PCDHGA2: variants seen among roughly 807,000 people sequenced by gnomAD.
PCDHGA2 encodes protocadherin gamma-A2.
Under a neutral mutation model 59.2 loss-of-function variants are expected in PCDHGA2, and 40 were observed. The observed-to-expected ratio is 0.68, with a 90% confidence interval of 0.52 to 0.88. The LOEUF is 0.88. PCDHGA2 is among the 40% of genes least tolerant of loss of function. The probability of loss-of-function intolerance (pLI) is 0.00; values close to 1 mark genes in which losing one functional copy is unlikely to be tolerated. For synonymous variants in PCDHGA2, 560 were observed against 526.0 expected, an observed-to-expected ratio of 1.06 and a Z score of -0.89; for missense variants, 1,226 against 1,204.0, an observed-to-expected ratio of 1.02 and a Z score of -0.27.
chr5:141,347,137 C>CTCTCTCTCTCTTTCTTTCTTTCTT (rs375338309), intron 1 of PCDHGA2, among the ~76,000 whole-genome samples: 1 of 113,744 alleles, frequency 8.8e-6, no homozygotes, highest in African/African-American at 3.8e-5. Flanking sequence ...CTCTGTTTCT[C>CTCTCTCTCTCTTTCTTTCTTTCTT]TCTTTCTTTC....
At position 141,486,169 on chromosome 5, in the gene PCDHGA2, A is replaced by G. The variant is rs2099625537; in HGVS notation, c.2425-8638A>G. The G allele has an allele frequency of 1.2e-6, 2 of 1,614,088 alleles. No individual in the cohort carries two copies. Among genetic ancestry groups the G allele is most frequent in the East Asian group, 2.2e-5 (1 of 44,890 alleles). On this transcript the variant is annotated intron_variant, in intron 1 of 3. Transcript: ENST00000394576. The surrounding 1 kb of genome is among the most constrained non-coding windows in gnomAD (Gnocchi z 5.0). ...ATGGGGGTTCTCCAGCCATGGAGCA[A>G]CATTGCAGCCTTCGAGTGGATCTGC...
At chr5:141,376,447 C>G (rs777597745) in intron 1 of PCDHGA2, 2 of 1,614,182 alleles carry the variant, frequency 1.2e-6, no homozygotes, top group Non-Finnish European at 1.7e-6. Flanking sequence ...ATGAGAAAAG[C>G]GAGCCTCTTC....
chr5:141,468,549 C>T (rs1289802190), intron 1 of PCDHGA2: 2 of 151,940 alleles, frequency 1.3e-5, no homozygotes, highest in Non-Finnish European at 2.9e-5. Flanking sequence ...ACATATTTAA[C>T]ATTTGTGATA....
chr5:141,486,504 A>G lies in PCDHGA2; in HGVS notation c.2425-8303A>G. ...AGTACCCACAGAACTATTTTCCTCA[A>G]TATTTCAGATGTGAATGATAATCCA... On this transcript the variant is annotated intron_variant, in intron 1 of 3. Transcript: ENST00000394576. The surrounding 1 kb of genome is among the most constrained non-coding windows in gnomAD (Gnocchi z 5.0). 7.4e-6 allele frequency: 12 copies of G among 1,614,100 alleles called. No individual in the cohort carries two copies. Among genetic ancestry groups the G allele is most frequent in the Non-Finnish European group, 1.0e-5 (12 of 1,179,986 alleles).
At chr5:141,423,006 T>G (rs746057587) in intron 1 of PCDHGA2, 12 of 1,614,078 alleles carry the variant, frequency 7.4e-6, no homozygotes, top group African/African-American at 1.3e-5. Context: ...CCAAGGTGGT[T>G]GCGGTGGACA....
intron 1 of PCDHGA2, chr5:141,371,888 G>A (rs1464333099): frequency 1.2e-6 from 2 of 1,613,438 alleles, no homozygotes; most frequent in South Asian, 2.2e-5. Context: ...ACCTGGAGCC[G>A]CGGGAGCTGT....
intron 1 of PCDHGA2, chr5:141,344,905 T>G (rs766713915): frequency 6.2e-7 from 1 of 1,613,780 alleles, no homozygotes; most frequent in Non-Finnish European, 8.5e-7. Context: ...ATCGCTGAGA[T>G]TTTCCATCTT....
At chr5:141,457,929 C>T (rs1207409757) in intron 1 of PCDHGA2, among the ~76,000 whole-genome samples, 2 of 152,194 alleles carry the variant, frequency 1.3e-5, no homozygotes, top group Non-Finnish European at 2.9e-5. Context: ...CCCCAAGGGG[C>T]TTTTATTGGC....
chr5:141,339,473 C>T lies in PCDHGA2; in HGVS notation c.502C>T (p.Gln168Ter), dbSNP rs1260079920. The T allele has an allele frequency of 2.5e-6, 4 of 1,614,094 alleles. No individual in the cohort carries two copies. In the Admixed American group the frequency reaches 6.7e-5, roughly 27 times the overall value. The change falls in exon 1 of 4, where the codon CAG becomes TAG. Residue 168 changes from glutamine to a stop codon, truncating the protein, a stop_gained. Coordinates refer to ENST00000394576, the MANE Select transcript of PCDHGA2 (RefSeq NM_018915.4). LOFTEE classifies it high-confidence loss of function. ...HDADVGENAL[Q>*]KYALNPNDHF... ...TGCAGACGTAGGTGAGAACGCCCTT[C>T]AGAAGTACGCACTCAACCCAAATGA...
chr5:141,494,925 G>T (rs936071950), intron 2 of PCDHGA2, 60 bp downstream of exon 2: 1 of 1,613,316 alleles, frequency 6.2e-7, no homozygotes. Flanking sequence ...GGGATGACGT[G>T]GGAGGAGATG....
intron 1 of PCDHGA2, chr5:141,414,361 T>G: frequency 6.2e-7 from 1 of 1,613,876 alleles, no homozygotes; most frequent in Non-Finnish European, 8.5e-7. Context: ...GTATCTACCA[T>G]TTAAATTAGA....
At position 141,450,051 on chromosome 5, in the gene PCDHGA2, G is replaced by C. The variant is rs576363410; in HGVS notation, c.2425-44756G>C. ...AGACAGGGTCTCACTCTTTCGCCCA[G>C]GCTGGAATGCAGTGGTATGATCTTG... On this transcript the variant is annotated intron_variant, in intron 1 of 3. Coordinates refer to ENST00000394576, the MANE Select transcript of PCDHGA2 (RefSeq NM_018915.4). Among the ~76,000 whole-genome samples, 362 of 139,654 alleles carry C rather than the reference G, an allele frequency of 2.6e-3. 1 individual carries two copies. Among genetic ancestry groups the C allele is most frequent in the South Asian group, 5.5e-3 (25 of 4,506 alleles). 91.6% of individuals were successfully genotyped at this position (139,654 alleles called of 152,430 possible). A position where few individuals can be genotyped will look rare whatever the true frequency, so the allele number is the denominator to read the frequency against.
intron 1 of PCDHGA2, chr5:141,428,444 T>C (rs2097139811): frequency 5.3e-6 from 2 of 379,264 alleles, no homozygotes; most frequent in Non-Finnish European, 1.0e-5. Context: ...AGACCAGGGG[T>C]TTTTCCCAAC....
At chr5:141,409,761 T>C (rs1373037367) in intron 1 of PCDHGA2, 1 of 1,612,966 alleles carries the variant, frequency 6.2e-7, no homozygotes, top group African/African-American at 1.3e-5. Flanking sequence ...CAGCGCGCCT[T>C]TGATCACGAG....
At chr5:141,344,751 C>T (rs565801457) in intron 1 of PCDHGA2, 19 of 1,613,902 alleles carry the variant, frequency 1.2e-5, no homozygotes, top group Middle Eastern at 1.6e-4. Context: ...TGACAACCCA[C>T]CAATGTTTAC....
chr5:141,489,864 T>G lies in PCDHGA2; in HGVS notation c.2425-4943T>G, dbSNP rs1274301673. ...TGGATCGTGAAGCCCAGGCAAGACA[T>G]CAGCTGGTGCTTACTGCTGTGGATG... On this transcript the variant is annotated intron_variant, in intron 1 of 3. Coordinates refer to ENST00000394576, the MANE Select transcript of PCDHGA2 (RefSeq NM_018915.4). This position sits in a 1 kb window ranked among gnomAD's most constrained non-coding sequence, Gnocchi z 4.5. 5 of 1,614,064 alleles carry G rather than the reference T, an allele frequency of 3.1e-6. No individual in the cohort carries two copies. The highest frequency in any genetic ancestry group is 3.4e-6 in the Non-Finnish European group (4 of 1,180,022).
At position 141,431,747 on chromosome 5, in the gene PCDHGA2, C is replaced by T. The variant is rs371020840; in HGVS notation, c.2425-63060C>T. The T allele has an allele frequency of 5.0e-6, 8 of 1,614,064 alleles. No individual in the cohort carries two copies. In the Admixed American group the frequency reaches 5.0e-5, roughly 10 times the overall value. On this transcript the variant is annotated intron_variant, in intron 1 of 3. Transcript: ENST00000394576. This position sits in a 1 kb window ranked among gnomAD's most constrained non-coding sequence, Gnocchi z 4.8. ...AATGGATAATGCAGGATATTCTGCG[C>T]GAGCCAAAGTCCTGATCACTGTTCT...
At chr5:141,403,699 TAA>T in intron 1 of PCDHGA2, 1 of 1,613,934 alleles carries the variant, frequency 6.2e-7, no homozygotes, top group East Asian at 2.2e-5. Context: ...TTTACCGAGT[TAA>T]AGTCCTTGAG....
Position 141,375,514 on chromosome 5 carries a change from G to A in PCDHGA2, c.2424+34119G>A, listed in dbSNP as rs1345928950. On this transcript the variant is annotated intron_variant, in intron 1 of 3. Transcript: ENST00000394576. The stretch of plus-strand genomic sequence containing the variant: ...CCTCCATCTTCTCTGTGAATGCACT[G>A]GACCCTGACGTGGACCAGAACGCCC... 3.1e-6 allele frequency: 5 copies of A among 1,613,836 alleles called. No homozygotes were observed. In the African/African-American group the frequency reaches 4.0e-5, roughly 13 times the overall value.
Sources: allele counts gnomAD v4.1 joint callset (sites outside exome capture counted in the v4.1 genomes callset), GRCh38; gene constraint gnomAD v4.1.1; non-coding constraint Gnocchi (gnomAD v3.1); transcripts MANE v1.5; gene names NCBI Gene and HGNC (gene_info 2026-07-23, HGNC 2026-07-21).